Variants in PCDHGB3 observed in about 807,000 individuals in gnomAD.
PCDHGB3 encodes the protein protocadherin gamma subfamily B, 3.
In PCDHGB3, 40 loss-of-function variants were observed where a neutral mutation model predicts 59.2. The observed-to-expected ratio is 0.68, with a 90% CI of 0.52 to 0.88. The LOEUF (loss-of-function observed/expected upper bound fraction) is 0.88, where lower values mean the gene tolerates loss of function less well. Ranked by LOEUF, PCDHGB3 falls within the 40% of genes least tolerant of loss-of-function variation. PCDHGB3 has a pLI of 0.00. For missense variants in PCDHGB3, 1,309 were observed against 1,187.9 expected (o/e 1.10, Z -1.50); for synonymous variants, 581 against 503.6 (o/e 1.15, Z -2.06).
At chr5:141,376,069 G>A in intron 1 of PCDHGB3, 1 of 1,613,452 alleles carries the variant, frequency 6.2e-7, no homozygotes, top group Non-Finnish European at 8.5e-7. Context: ...CGCTCACCGT[G>A]GCCGTGGCCG....
chr5:141,403,248 G>A lies in PCDHGB3; in HGVS notation c.2415+30439G>A, dbSNP rs778873368. 3.1e-6 allele frequency: 5 copies of A among 1,613,928 alleles called. No homozygotes were observed. The Admixed American group carries it at 6.7e-5, about 22-fold the overall frequency. On this transcript the variant is annotated intron_variant, in intron 1 of 3. Transcript: ENST00000576222. ...GACCGGGAGGAGCTCTGTGCTCAGA[G>A]CCCGCGGTGTCTGGTGAACTTTAAA...
At chr5:141,436,181 T>C (rs1050736907) in intron 1 of PCDHGB3, among the ~76,000 whole-genome samples, 2 of 152,092 alleles carry the variant, frequency 1.3e-5, no homozygotes, top group African/African-American at 4.8e-5. Flanking sequence ...TCATATATAG[T>C]CAAATAGAAA....
chr5:141,476,083 T>C lies in PCDHGB3; in HGVS notation c.2416-18724T>C. 1 of 1,547,886 alleles carries C rather than the reference T, an allele frequency of 6.5e-7. No homozygotes were observed. The highest frequency in any genetic ancestry group is 8.7e-7 in the Non-Finnish European group (1 of 1,153,242). The stretch of plus-strand genomic sequence containing the variant: ...TCTCAGCGAAATCTCAGGGACGATC[T>C]GGACCCCGCTGAGAGGAACTGCTTT... On this transcript the variant is annotated intron_variant, in intron 1 of 3. Coordinates refer to ENST00000576222, the MANE Select transcript of PCDHGB3 (RefSeq NM_018924.5). This position sits in a 1 kb window ranked among gnomAD's most constrained non-coding sequence, Gnocchi z 7.6.
At position 141,511,462 on chromosome 5, in the gene PCDHGB3, C is replaced by A. The variant is rs1385398410; in HGVS notation, c.*289C>A. ...AGACACCAAGAACCATTTGCCACAC[C>A]CCGTTTAGTTACAGCTGAACTCCTC... On this transcript the variant is annotated 3_prime_UTR_variant, in exon 4 of 4. Coordinates refer to ENST00000576222, the MANE Select transcript of PCDHGB3 (RefSeq NM_018924.5). The A allele has an allele frequency of 4.7e-5, 26 of 556,350 alleles. No individual in the cohort carries two copies. Among genetic ancestry groups the A allele is most frequent in the Non-Finnish European group, 9.1e-6 (3 of 329,202 alleles). 34.5% of individuals were successfully genotyped at this position (556,350 alleles called of 1,614,324 possible). A position where few individuals can be genotyped will look rare whatever the true frequency, so the allele number is the denominator to read the frequency against.
At chr5:141,421,583 G>A (rs765321947) in intron 1 of PCDHGB3, 1 of 1,613,796 alleles carries the variant, frequency 6.2e-7, no homozygotes, top group African/African-American at 1.3e-5. Context: ...AAGATTTACG[G>A]AGTGGAGGTG....
intron 1 of PCDHGB3, chr5:141,427,887 C>T (rs759734297): frequency 3.8e-6 from 6 of 1,565,908 alleles, no homozygotes; most frequent in South Asian, 1.1e-5. Flanking sequence ...GGCCCACGAC[C>T]AGGGCTCGCC....
Position 141,489,765 on chromosome 5 carries a change from C to A in PCDHGB3, c.2416-5042C>A. On this transcript the variant is annotated intron_variant, in intron 1 of 3. Transcript: ENST00000576222. The surrounding 1 kb of genome is among the most constrained non-coding windows in gnomAD (Gnocchi z 4.5). ...TGAGCTTTTACACTCTAAGCCCCAA[C>A]AGCCACTTCTCTCTGAATGTGAAGA... 2.5e-6 allele frequency: 4 copies of A among 1,614,174 alleles called. No individual in the cohort carries two copies. The highest frequency in any genetic ancestry group is 3.4e-6 in the Non-Finnish European group (4 of 1,179,992).
chr5:141,431,393 C>T lies in PCDHGB3; in HGVS notation c.2415+58584C>T, dbSNP rs1485575362. 5 of 1,613,884 alleles carry T rather than the reference C, an allele frequency of 3.1e-6. No individual in the cohort carries two copies. Among genetic ancestry groups the T allele is most frequent in the Non-Finnish European group, 4.2e-6 (5 of 1,180,048 alleles). On this transcript the variant is annotated intron_variant, in intron 1 of 3. Coordinates refer to ENST00000576222, the MANE Select transcript of PCDHGB3 (RefSeq NM_018924.5). The surrounding 1 kb of genome is among the most constrained non-coding windows in gnomAD (Gnocchi z 4.8). ...AGAAAAGGCTGCTCACCACCTGGTC[C>T]TTACGGCCTCCGACGGGGGCGACCC...
Position 141,438,593 on chromosome 5 carries a change from T to TAC in PCDHGB3, c.2416-56213_2416-56212insCA, listed in dbSNP as rs1414976871. Reference sequence around the variant, plus strand: ...TGATATACATACATACATACATACATATATATATATATATATATATATATA... The same window carrying TAC: ...TGATATACATACATACATACATACATACATATATATATATATATATATATATA... On this transcript the variant is annotated intron_variant, in intron 1 of 3. Transcript: ENST00000576222. Among the ~76,000 whole-genome samples the TAC allele has an allele frequency of 1.6e-3, 115 of 73,944 alleles. 1 individual carries two copies. The highest frequency in any genetic ancestry group is 2.9e-3 in the African/African-American group (63 of 21,786). The allele number at this position is 73,944 out of a possible 152,430, so 48.5% of individuals were successfully genotyped here. A position where few individuals can be genotyped will look rare whatever the true frequency, so the allele number is the denominator to read the frequency against.
intron 1 of PCDHGB3, chr5:141,392,663 A>C: frequency 1.2e-6 from 1 of 810,712 alleles, no homozygotes; most frequent in Non-Finnish European, 1.8e-6. Flanking sequence ...GATGCCACAA[A>C]CTAACTGCTG....
chr5:141,414,159 A>G (rs2095715416), intron 1 of PCDHGB3: 1 of 1,602,874 alleles, frequency 6.2e-7, no homozygotes. Context: ...CAGAAGATGG[A>G]GGAGCATATC....
intron 1 of PCDHGB3, chr5:141,413,419 A>C: frequency 6.2e-7 from 1 of 1,614,084 alleles, no homozygotes; most frequent in Non-Finnish European, 8.5e-7. Context: ...TTTCTCTCTG[A>C]ACCCGCGCAG....
intron 1 of PCDHGB3, among the ~76,000 whole-genome samples, chr5:141,449,680 T>C (rs2098651613): frequency 6.6e-6 from 1 of 151,546 alleles, no homozygotes; most frequent in Admixed American, 6.6e-5. Flanking sequence ...TATGTATATA[T>C]GTTTGTGTGT....
At position 141,476,043 on chromosome 5, in the gene PCDHGB3, A is replaced by T. The variant is rs2099384502; in HGVS notation, c.2416-18764A>T. 1 of 1,492,156 alleles carries T rather than the reference A, an allele frequency of 6.7e-7. No individual in the cohort carries two copies. Among genetic ancestry groups the T allele is most frequent in the African/African-American group, 1.4e-5 (1 of 71,628 alleles). The allele number at this position is 1,492,156 out of a possible 1,614,324, so 92.4% of individuals were successfully genotyped here. On this transcript the variant is annotated intron_variant, in intron 1 of 3. Coordinates refer to ENST00000576222, the MANE Select transcript of PCDHGB3 (RefSeq NM_018924.5). The surrounding 1 kb of genome is among the most constrained non-coding windows in gnomAD (Gnocchi z 7.6). ...ACTCGGCGCCCAGCGCCCAAGCGCT[A>T]ACCCGCTGAAAGTTTCTCAGCGAAA...
At chr5:141,478,142 G>C in intron 1 of PCDHGB3, 1 of 1,613,988 alleles carries the variant, frequency 6.2e-7, no homozygotes, top group South Asian at 1.1e-5. Flanking sequence ...AGCCCGAGCC[G>C]AGTTCCCCTC....
chr5:141,441,768 T>C, intron 1 of PCDHGB3: 1 of 387,074 alleles, frequency 2.6e-6, no homozygotes. Context: ...CCTGCGCGTG[T>C]TGGTGGACGA....
At chr5:141,415,259 T>A (rs778452630) in intron 1 of PCDHGB3, 5 of 1,614,226 alleles carry the variant, frequency 3.1e-6, no homozygotes, top group Admixed American at 1.7e-5. Flanking sequence ...GACCTCACTC[T>A]GTACCTGGTG....
chr5:141,405,638 CT>C lies in PCDHGB3; in HGVS notation c.2415+32830del. ...TACAGGCACGTGCCACCACGCCCGG[CT>C]AATTTTTTGTGTGTTTTTAGTAGAG... is the stretch of plus-strand genomic sequence containing the variant. On this transcript the variant is annotated intron_variant, in intron 1 of 3. Coordinates refer to ENST00000576222, the MANE Select transcript of PCDHGB3 (RefSeq NM_018924.5). 3 of 528,680 alleles carry C rather than the reference CT, an allele frequency of 5.7e-6. No individual in the cohort carries two copies. The East Asian group carries it at 9.4e-5, about 17-fold the overall frequency. 32.7% of individuals were successfully genotyped at this position (528,680 alleles called of 1,614,324 possible).
intron 1 of PCDHGB3, chr5:141,399,845 T>G: frequency 6.2e-7 from 1 of 1,612,982 alleles, no homozygotes; most frequent in Non-Finnish European, 8.5e-7. Context: ...CTCTTCGATA[T>G]GGTGCCGCGC....
Sources: allele counts gnomAD v4.1 joint callset (sites outside exome capture counted in the v4.1 genomes callset), GRCh38; gene constraint gnomAD v4.1.1; non-coding constraint Gnocchi (gnomAD v3.1); transcripts MANE v1.5; gene names NCBI Gene and HGNC (gene_info 2026-07-23, HGNC 2026-07-21).